The following RGS20 variants were observed in gnomAD, a reference collection of about 807,000 sequenced individuals.
RGS20 encodes gz-selective GTPase-activating protein.
RGS20 carries 30 observed loss-of-function variants against 33.6 expected under a neutral mutation model. The ratio of observed to expected loss-of-function variants is 0.89; its 90% CI spans 0.67 to 1.21. The LOEUF is 1.21. Among genes scored for constraint, RGS20 ranks in the 50% most tolerant of loss-of-function variants. RGS20 has a pLI of 0.00. For missense variants in RGS20, 472 were observed against 502.4 expected (o/e 0.94, Z 0.58); for synonymous variants, 208 against 197.9 (o/e 1.05, Z -0.43).
intron 4 of RGS20, among the ~76,000 whole-genome samples, chr8:53,952,763 A>AT (rs1814747383): frequency 6.6e-6 from 1 of 152,090 alleles, no homozygotes; most frequent in Non-Finnish European, 1.5e-5. Context: ...TAAAGACTAC[A>AT]TTTTTCAGGA....
intron 1 of RGS20, among the ~76,000 whole-genome samples, chr8:53,861,872 C>T (rs1335938236): frequency 6.6e-6 from 1 of 152,222 alleles, no homozygotes; most frequent in African/African-American, 2.4e-5. Flanking sequence ...TTATTAGCAT[C>T]ATTAAGATCT....
chr8:53,945,097 T>G (rs1033733271), intron 3 of RGS20, among the ~76,000 whole-genome samples: 4 of 152,176 alleles, frequency 2.6e-5, no homozygotes, highest in Non-Finnish European at 1.5e-5. Context: ...GCAGTTCTAC[T>G]CCGAGGTTTC....
At position 53,958,556 on chromosome 8, in the gene RGS20, G is replaced by GTAA. The variant is rs1308475464; in HGVS notation, c.*101_*103dup. The GTAA allele has an allele frequency of 3.4e-5, 19 of 554,244 alleles. No homozygotes were observed. The highest frequency in any genetic ancestry group is 3.9e-5 in the Non-Finnish European group (14 of 360,746). 34.3% of individuals were successfully genotyped at this position (554,244 alleles called of 1,614,324 possible). ...AGAGGTTGTAGCATCTTCTGCTGGA[G>GTAA]TAATACTCAGGCTATTCTAATAACA... On this transcript the variant is annotated 3_prime_UTR_variant, in exon 6 of 6. Transcript: ENST00000297313.
chr8:53,876,472 T>G (rs1812211788), intron 1 of RGS20: 1 of 152,248 alleles, frequency 6.6e-6, no homozygotes, highest in Non-Finnish European at 1.5e-5. Context: ...GATTCCATTT[T>G]GTGGCTATTT....
At chr8:53,870,491 T>C (rs1220862211) in intron 1 of RGS20, among the ~76,000 whole-genome samples, 1 of 152,258 alleles carries the variant, frequency 6.6e-6, no homozygotes, top group Non-Finnish European at 1.5e-5. Flanking sequence ...GAATAAATAA[T>C]GCATCTTTGG....
chr8:53,894,987 A>C (rs1373835625), intron 2 of RGS20, among the ~76,000 whole-genome samples: 1 of 152,106 alleles, frequency 6.6e-6, no homozygotes, highest in Non-Finnish European at 1.5e-5. Context: ...GGGTCATTGC[A>C]ATTACTCACC....
At chr8:53,854,006 G>T (rs569011602) in intron 1 of RGS20, among the ~76,000 whole-genome samples, 22 of 152,156 alleles carry the variant, frequency 1.4e-4, no homozygotes, top group African/African-American at 5.3e-4. Context: ...AATGTATCTA[G>T]ACGTCAAGGG....
At chr8:53,861,694 G>A (rs905237473) in intron 1 of RGS20, among the ~76,000 whole-genome samples, 3 of 152,172 alleles carry the variant, frequency 2.0e-5, no homozygotes, top group Non-Finnish European at 2.9e-5. Flanking sequence ...CATCAACATC[G>A]TATCAGGAGG....
intron 2 of RGS20, among the ~76,000 whole-genome samples, chr8:53,898,434 C>T (rs1156384285): frequency 1.3e-5 from 2 of 152,176 alleles, no homozygotes; most frequent in Non-Finnish European, 2.9e-5. Context: ...TGGCCTCCTC[C>T]TAATGCTCCA....
At chr8:53,860,086 T>G (rs1362740731) in intron 1 of RGS20, among the ~76,000 whole-genome samples, 1 of 152,242 alleles carries the variant, frequency 6.6e-6, no homozygotes, top group Non-Finnish European at 1.5e-5. Flanking sequence ...TTGTGTCACT[T>G]AAGAGTTTAT....
chr8:53,945,191 GA>G (rs1177341421), intron 3 of RGS20: 2 of 152,150 alleles, frequency 1.3e-5, no homozygotes, highest in Admixed American at 1.3e-4. Flanking sequence ...CCAAAATGTG[GA>G]AACAACCCGA....
chr8:53,889,536 C>T (rs1000809654), intron 2 of RGS20, among the ~76,000 whole-genome samples: 2 of 146,000 alleles, frequency 1.4e-5, no homozygotes, highest in Non-Finnish European at 3.0e-5. Context: ...TCCACCACCA[C>T]ACTCAACTAA....
chr8:53,956,470 C>T (rs932311374), intron 5 of RGS20, among the ~76,000 whole-genome samples: 4 of 152,062 alleles, frequency 2.6e-5, no homozygotes, highest in Non-Finnish European at 5.9e-5. Flanking sequence ...GGGCAGAAGA[C>T]GTTAGAAAAC....
chr8:53,947,749 C>T (rs4737432), intron 4 of RGS20, among the ~76,000 whole-genome samples: 1,664 of 57,924 alleles, frequency 0.029, 17 homozygotes, highest in African/African-American at 0.1. Context: ...GGATATAGTA[C>T]ATACATTTAT....
intron 1 of RGS20, among the ~76,000 whole-genome samples, chr8:53,866,969 TG>T (rs1349095281): frequency 6.6e-6 from 1 of 152,090 alleles, no homozygotes; most frequent in Non-Finnish European, 1.5e-5. Flanking sequence ...TATCAGAGAA[TG>T]GGCCCCATGC....
intron 1 of RGS20, among the ~76,000 whole-genome samples, chr8:53,871,304 T>C (rs1456786321): frequency 6.6e-6 from 1 of 152,022 alleles, no homozygotes; most frequent in African/African-American, 2.4e-5. Flanking sequence ...ACCACACTAC[T>C]CAGAATTATC....
At chr8:53,924,344 C>T (rs945670242) in intron 2 of RGS20, among the ~76,000 whole-genome samples, 6 of 152,074 alleles carry the variant, frequency 3.9e-5, no homozygotes, top group Non-Finnish European at 5.9e-5. Context: ...TGCACCACCA[C>T]GCCCGGCTAA....
In RGS20 at chr8:53,880,869, G is replaced by GGCAGA. The variant is rs1812345648; in HGVS notation, c.510+1271_510+1275dup. The GGCAGA allele has an allele frequency of 6.9e-7, 1 of 1,448,020 alleles. No individual in the cohort carries two copies. Among genetic ancestry groups the GGCAGA allele is most frequent in the Admixed American group, 2.5e-5 (1 of 39,816 alleles). The allele number at this position is 1,448,020 out of a possible 1,614,324, so 89.7% of individuals were successfully genotyped here. A position where few individuals can be genotyped will look rare whatever the true frequency, so the allele number is the denominator to read the frequency against. ...AAAAGGAGTGAGGGGGCGGGGAGGA[G>GGCAGA]GCAGAGCAAGGGGAGGAAGAGGCCG... is the stretch of plus-strand genomic sequence containing the variant. On this transcript the variant is annotated intron_variant, in intron 2 of 5. Coordinates refer to ENST00000297313, the MANE Select transcript of RGS20 (RefSeq NM_170587.4).
intron 2 of RGS20, among the ~76,000 whole-genome samples, chr8:53,917,996 CG>C (rs1050514566): frequency 5.3e-4 from 81 of 152,192 alleles, no homozygotes; most frequent in Admixed American, 1.5e-3. Flanking sequence ...ATGTGGACTT[CG>C]GGGTCTTGAT....
Sources: gnomAD v4.1 joint callset for allele counts (sites outside exome capture counted in the v4.1 genomes callset) on GRCh38, gnomAD v4.1.1 for gene constraint, MANE v1.5 for transcripts, NCBI Gene and HGNC (gene_info 2026-07-23, HGNC 2026-07-21) for gene names.